The following KIAA0825 variants were observed in gnomAD, a reference collection of about 807,000 sequenced individuals.
KIAA0825 encodes the protein KIAA0825.
A neutral mutation model predicts 147.6 loss-of-function variants in KIAA0825; 119 were observed. The ratio of observed to expected loss-of-function variants is 0.81; its 90% CI spans 0.69 to 0.94. The LOEUF (loss-of-function observed/expected upper bound fraction) is 0.94. Ranked by LOEUF, KIAA0825 falls within the 40% of genes least tolerant of loss-of-function variation. The pLI is 0.00. For missense variants in KIAA0825, 1,381 were observed against 1,472.7 expected (o/e 0.94, Z 1.02); for synonymous variants, 470 against 518.1 (o/e 0.91, Z 1.26).
intron 20 of KIAA0825, among the ~76,000 whole-genome samples, chr5:94,359,148 T>G (rs1744717478): frequency 6.6e-6 from 1 of 152,190 alleles, no homozygotes; most frequent in African/African-American, 2.4e-5. Context: ...ATATAAATGA[T>G]TTCAATCCTG....
intron 20 of KIAA0825, among the ~76,000 whole-genome samples, chr5:94,249,778 C>T (rs910003240): frequency 1.3e-5 from 2 of 149,682 alleles, no homozygotes; most frequent in Non-Finnish European, 3.0e-5. Flanking sequence ...TTGCTTTTTT[C>T]CCCAATATTT....
Position 94,484,925 on chromosome 5 carries a change from T to C in KIAA0825, c.976A>G (p.Thr326Ala). Reference protein sequence around the residue: ...HRGAVHALVTTECPQKGRNFS... With the variant: ...HRGAVHALVTAECPQKGRNFS... ...TTTCTTCCTTTCTGTGGGCATTCAG[T>C]AGTAACTGTGAAAAGAAAAGATCAA... Residue 326 changes from threonine (T) to alanine (A), a missense_variant, in exon 6 of 21, where the codon ACT becomes GCT. Coordinates refer to ENST00000682413, the MANE Select transcript of KIAA0825 (RefSeq NM_001145678.3). The C allele has an allele frequency of 2.0e-6, 3 of 1,488,008 alleles. No individual in the cohort carries two copies. In the South Asian group the frequency reaches 4.0e-5, roughly 20 times the overall value. 92.2% of individuals were successfully genotyped at this position (1,488,008 alleles called of 1,614,324 possible). A position where few individuals can be genotyped will look rare whatever the true frequency, so the allele number is the denominator to read the frequency against.
intron 20 of KIAA0825, among the ~76,000 whole-genome samples, chr5:94,155,213 C>CTTTTT (rs67704311): frequency 6.0e-4 from 71 of 119,008 alleles, no homozygotes; most frequent in Non-Finnish European, 8.9e-4. Context: ...TATTTTCTTT[C>CTTTTT]TTTTTTTTTT....
intron 20 of KIAA0825, among the ~76,000 whole-genome samples, chr5:94,231,938 G>A (rs982135551): frequency 3.3e-5 from 5 of 152,086 alleles, no homozygotes; most frequent in African/African-American, 1.2e-4. Flanking sequence ...TGTATAACTG[G>A]AAGCCTATCG....
At chr5:94,184,344 T>C (rs1351117495) in intron 20 of KIAA0825, among the ~76,000 whole-genome samples, 2 of 152,220 alleles carry the variant, frequency 1.3e-5, no homozygotes, top group Admixed American at 6.5e-5. Flanking sequence ...TCCCCATTTT[T>C]ACATTTTACA....
At chr5:94,321,444 C>T (rs1267805526) in intron 20 of KIAA0825, among the ~76,000 whole-genome samples, 1 of 151,926 alleles carries the variant, frequency 6.6e-6, no homozygotes, top group East Asian at 1.9e-4. Context: ...AACAACCTTA[C>T]AAAGTAACTC....
intron 1 of KIAA0825, among the ~76,000 whole-genome samples, chr5:94,605,953 G>A (rs1787412767): frequency 6.6e-6 from 1 of 152,182 alleles, no homozygotes; most frequent in African/African-American, 2.4e-5. Context: ...CTTCCAAATA[G>A]GAACAGAGGA....
chr5:94,365,286 C>T (rs562133002), intron 20 of KIAA0825, among the ~76,000 whole-genome samples: 2 of 152,284 alleles, frequency 1.3e-5, no homozygotes, highest in East Asian at 1.9e-4. Flanking sequence ...CTTGTGTTTG[C>T]GTCCTCAATT....
intron 20 of KIAA0825, among the ~76,000 whole-genome samples, chr5:94,339,033 T>C (rs1782091261): frequency 6.6e-6 from 1 of 152,166 alleles, no homozygotes; most frequent in African/African-American, 2.4e-5. Flanking sequence ...TTTGTAATCA[T>C]TTTTTCACAT....
chr5:94,239,300 C>T (rs550640369), intron 20 of KIAA0825, among the ~76,000 whole-genome samples: 2 of 152,242 alleles, frequency 1.3e-5, no homozygotes, highest in South Asian at 2.1e-4. Flanking sequence ...AAAAGGTCTA[C>T]ACAGGTGTCA....
intron 20 of KIAA0825, among the ~76,000 whole-genome samples, chr5:94,332,160 C>CAAA (rs34035583): frequency 1.1e-5 from 1 of 93,912 alleles, no homozygotes; most frequent in Non-Finnish European, 2.1e-5. Context: ...GACTCCATCT[C>CAAA]AAAAAAAAAA....
chr5:94,190,243 C>G (rs534615422), intron 20 of KIAA0825, among the ~76,000 whole-genome samples: 1 of 152,098 alleles, frequency 6.6e-6, no homozygotes, highest in Non-Finnish European at 1.5e-5. Context: ...TTACTTCTCC[C>G]TTTCTTATTC....
chr5:94,453,108 A>G, intron 12 of KIAA0825, 39 bp from the exon 13 acceptor site: 1 of 969,034 alleles, frequency 1.0e-6, no homozygotes, highest in Admixed American at 3.2e-5. Context: ...ATATACAGGA[A>G]GCATTAACTA....
rs1479942175 is a variant in KIAA0825, at chr5:94,488,094, TTG to T, written c.971-3166_971-3165del. Among the ~76,000 whole-genome samples, 19 of 152,340 alleles carry T rather than the reference TTG, an allele frequency of 1.2e-4. No homozygotes were observed. The East Asian group carries it at 3.5e-3, about 28-fold the overall frequency. On this transcript the variant is annotated intron_variant, in intron 5 of 20. Coordinates refer to ENST00000682413, the MANE Select transcript of KIAA0825 (RefSeq NM_001145678.3). The stretch of plus-strand genomic sequence containing the variant: ...ATCCGCCACCAAACCCGGCTAATTT[TTG>T]TGTTTTTAGTAGAGACGGTATTTCT...
intron 6 of KIAA0825, among the ~76,000 whole-genome samples, chr5:94,482,152 G>C (rs1344465580): frequency 6.6e-6 from 1 of 151,938 alleles, no homozygotes; most frequent in Non-Finnish European, 1.5e-5. Context: ...TTCTTTCTCA[G>C]AAAATATTTA....
chr5:94,511,678 G>C (rs969280799), intron 5 of KIAA0825, among the ~76,000 whole-genome samples: 7 of 151,930 alleles, frequency 4.6e-5, no homozygotes, highest in Non-Finnish European at 7.4e-5. Context: ...TTTTGGGGCA[G>C]ATTTGTTTTA....
chr5:94,253,552 C>T (rs148862406), intron 20 of KIAA0825, among the ~76,000 whole-genome samples: 1 of 152,182 alleles, frequency 6.6e-6, no homozygotes, highest in East Asian at 1.9e-4. Context: ...TTCAACTTTA[C>T]CTAGTTTGAG....
rs1242399561 is a variant in KIAA0825 at position 94,520,702 on chromosome 5, TA to T, written c.515del (p.Leu172Ter). On this transcript the variant is annotated frameshift_variant, in exon 5 of 21. Transcript: ENST00000682413. LOFTEE classifies it high-confidence loss of function. ...CATTATGGCTTTGTAATTTGCTCAC[TA>T]AGAAGCGTCGAAGATGCAGTCTTAT... ...DDIRLHLRRF[L>X]VSKLQSHNEI... The T allele has an allele frequency of 1.2e-6, 2 of 1,613,428 alleles. No homozygotes were observed. Among genetic ancestry groups the T allele is most frequent in the Admixed American group, 1.7e-5 (1 of 59,952 alleles).
intron 20 of KIAA0825, among the ~76,000 whole-genome samples, chr5:94,242,566 C>T (rs146013012): frequency 2.0e-5 from 3 of 149,980 alleles, no homozygotes; most frequent in Non-Finnish European, 4.5e-5. Flanking sequence ...TCCTTCCTAC[C>T]TTCCTTCCTT....
Sources: allele counts gnomAD v4.1 joint callset (sites outside exome capture counted in the v4.1 genomes callset), GRCh38; gene constraint gnomAD v4.1.1; transcripts MANE v1.5; gene names NCBI Gene and HGNC (gene_info 2026-07-23, HGNC 2026-07-21).